GREB1: variants seen among roughly 807,000 people sequenced by gnomAD.
GREB1 encodes the protein growth regulating estrogen receptor binding 1.
GREB1 carries 106 observed loss-of-function variants against 200.7 expected under a neutral mutation model. The observed-to-expected ratio is 0.53, with a 90% CI of 0.45 to 0.62. GREB1 has a LOEUF of 0.62. Ranked by LOEUF, GREB1 falls within the 20% of genes least tolerant of loss-of-function variation. GREB1 has a pLI of 0.00. For missense variants in GREB1, 2,243 were observed against 2,556.8 expected, an observed-to-expected ratio of 0.88 and a Z score of 2.65; for synonymous variants, 1,132 against 1,092.4, an observed-to-expected ratio of 1.04 and a Z score of -0.72.
chr2:11,510,954 T>C (rs1673333058), intron 1 of GREB1, among the ~76,000 whole-genome samples: 1 of 152,198 alleles, frequency 6.6e-6, no homozygotes, highest in Non-Finnish European at 1.5e-5. Context: ...ATTACAGGCA[T>C]GAGCCACCAT....
At chr2:11,544,040 A>T (rs141667613) in intron 1 of GREB1, among the ~76,000 whole-genome samples, 1 of 152,126 alleles carries the variant, frequency 6.6e-6, no homozygotes, top group Non-Finnish European at 1.5e-5. Context: ...GTTCCAGCCC[A>T]TTCTGGGACT....
intron 7 of GREB1, among the ~76,000 whole-genome samples, chr2:11,583,581 C>T (rs1484180880): frequency 1.3e-5 from 2 of 151,988 alleles, no homozygotes; most frequent in African/African-American, 4.8e-5. Flanking sequence ...CCAGGCTGGT[C>T]GGGTGCATTG....
chr2:11,589,899 T>C (rs1283940152), intron 10 of GREB1, among the ~76,000 whole-genome samples: 1 of 152,166 alleles, frequency 6.6e-6, no homozygotes, highest in Admixed American at 6.5e-5. Flanking sequence ...TTGTACAAGA[T>C]GCCCACGAGA....
chr2:11,618,633 G>A lies in GREB1; in HGVS notation c.3758G>A (p.Cys1253Tyr), dbSNP rs1276282716. ...QASQCSLTKA[C>Y]RQPPIVFLPK... ...TCCCAGTGCTCCTTGACCAAGGCCT[G>A]CCGCCAGCCACCCATTGTCTTCTTG... The change falls in exon 22 of 33, where the codon TGC becomes TAC. Residue 1253 changes from cysteine to tyrosine, a missense_variant. Physicochemically the swap from Cys to Tyr is radical, Grantham distance 194. This residue lies in a region of GREB1 where 587 missense variants were observed against 553.1 expected (regional missense o/e 1.06). Transcript: ENST00000381486. The A allele has an allele frequency of 6.2e-7, 1 of 1,613,342 alleles. No homozygotes were observed. The highest frequency in any genetic ancestry group is 8.5e-7 in the Non-Finnish European group (1 of 1,179,950).
intron 32 of GREB1, among the ~76,000 whole-genome samples, chr2:11,639,978 G>A (rs1471143781): frequency 1.3e-5 from 2 of 152,108 alleles, no homozygotes; most frequent in Admixed American, 6.6e-5. Flanking sequence ...GTGAGCTACC[G>A]GCTGGGGCTG....
intron 1 of GREB1, among the ~76,000 whole-genome samples, chr2:11,518,019 T>G (rs1673569406): frequency 1.3e-5 from 2 of 152,204 alleles, no homozygotes; most frequent in African/African-American, 4.8e-5. Context: ...GTTTTTTGTT[T>G]CCCCTTGACT....
intron 32 of GREB1, among the ~76,000 whole-genome samples, chr2:11,639,634 T>C (rs1685663473): frequency 6.6e-6 from 1 of 152,248 alleles, no homozygotes; most frequent in African/African-American, 2.4e-5. Context: ...TGACCTTCGC[T>C]TTCCTTGGTG....
intron 17 of GREB1, among the ~76,000 whole-genome samples, chr2:11,603,173 G>T (rs774938636): frequency 3.9e-5 from 6 of 152,218 alleles, no homozygotes; most frequent in Non-Finnish European, 7.3e-5. Flanking sequence ...AGATGAAATT[G>T]AGGCTCAGAC....
chr2:11,515,696 C>T (rs554422513), intron 1 of GREB1, among the ~76,000 whole-genome samples: 2 of 152,342 alleles, frequency 1.3e-5, no homozygotes, highest in Admixed American at 1.3e-4. Context: ...AAGGGCAGAG[C>T]AGATGTTCTC....
rs58651473 is a variant in GREB1 at position 11,492,931 on chromosome 2, C to T, written c.-159+10550C>T. Reference sequence around the variant, plus strand: ...GAGACCAGACAGGAGTAATGCAAACCAGCAAGACTAGGCTTAAACAATGGG... The same window carrying T: ...GAGACCAGACAGGAGTAATGCAAACTAGCAAGACTAGGCTTAAACAATGGG... On this transcript the variant is annotated intron_variant, in intron 1 of 2. Coordinates refer to the GREB1 transcript ENST00000628795. The surrounding 1 kb of genome is among the most constrained non-coding windows in gnomAD (Gnocchi z 4.0). 0.034 allele frequency among the ~76,000 whole-genome samples: 5,194 copies of T among 152,294 alleles called. 300 individuals are homozygous for T. The highest frequency in any genetic ancestry group is 0.11 in the African/African-American group (4,685 of 41,530).
At chr2:11,613,536 C>T (rs1683121692) in intron 19 of GREB1, among the ~76,000 whole-genome samples, 1 of 152,230 alleles carries the variant, frequency 6.6e-6, no homozygotes, top group African/African-American at 2.4e-5. Context: ...GTGGGCCTGG[C>T]TTCTTCCCCC....
At chr2:11,581,575 A>G (rs1228577060) in intron 7 of GREB1, among the ~76,000 whole-genome samples, 1 of 152,116 alleles carries the variant, frequency 6.6e-6, no homozygotes, top group Non-Finnish European at 1.5e-5. Context: ...GGTTTGAGGG[A>G]GCTGTGAACG....
rs763971112 is a variant in GREB1, at chr2:11,578,282, A to C, written c.638-15A>C. On this transcript the variant is annotated splice_polypyrimidine_tract_variant and intron_variant, in intron 5 of 32. Transcript: ENST00000381486. ...AGAGCGAGTTGGTTTTCACGTGTGCACCTTGCCCCCTTAGAGTTTAGAAGC... is the reference window on the plus strand; with the variant it reads ...AGAGCGAGTTGGTTTTCACGTGTGCCCCTTGCCCCCTTAGAGTTTAGAAGC... 4.4e-6 allele frequency: 7 copies of C among 1,607,204 alleles called. No homozygotes were observed. The highest frequency in any genetic ancestry group is 8.5e-7 in the Non-Finnish European group (1 of 1,174,752).
At chr2:11,510,965 G>A (rs1049928339) in intron 1 of GREB1, among the ~76,000 whole-genome samples, 2 of 152,150 alleles carry the variant, frequency 1.3e-5, no homozygotes, top group African/African-American at 2.4e-5. Flanking sequence ...GAGCCACCAT[G>A]CCTGGCCAAT....
At position 11,552,958 on chromosome 2, in the gene GREB1, C is replaced by T. The variant is rs180996880; in HGVS notation, c.-161-3496C>T. Among the ~76,000 whole-genome samples the T allele has an allele frequency of 4.2e-5, 6 of 142,350 alleles. No homozygotes were observed. The East Asian group carries it at 1.2e-3, about 30-fold the overall frequency. The allele number at this position is 142,350 out of a possible 152,430, so 93.4% of individuals were successfully genotyped here. A position where few individuals can be genotyped will look rare whatever the true frequency, so the allele number is the denominator to read the frequency against. On this transcript the variant is annotated intron_variant, in intron 1 of 32. Coordinates refer to ENST00000381486, the MANE Select transcript of GREB1 (RefSeq NM_014668.4). ...CCGGGAGGCGGAGCTTGCAGTGAGT[C>T]GAGATCGCGCCACTGCACTCCAGCC...
At position 11,597,541 on chromosome 2, in the gene GREB1, T is replaced by C. The variant is rs774601305; in HGVS notation, c.1955-240T>C. 6.6e-6 allele frequency among the ~76,000 whole-genome samples: 1 copy of C among 152,140 alleles called. No individual in the cohort carries two copies. The highest frequency in any genetic ancestry group is 1.5e-5 in the Non-Finnish European group (1 of 68,010). ...CACTGCCTCCACTGTGCTCCCCAAG[T>C]GCTTGGTTCTTATTTTTATTATTAA... On this transcript the variant is annotated intron_variant, in intron 13 of 32. Coordinates refer to ENST00000381486, the MANE Select transcript of GREB1 (RefSeq NM_014668.4). The surrounding 1 kb of genome is among the most constrained non-coding windows in gnomAD (Gnocchi z 4.1).
At chr2:11,504,526 G>A (rs796713433) in intron 1 of GREB1, among the ~76,000 whole-genome samples, 8 of 152,232 alleles carry the variant, frequency 5.3e-5, no homozygotes, top group African/African-American at 1.9e-4. Context: ...CTGCATCTAT[G>A]AGCGAGTAGT....
rs142161972 is a variant in GREB1 at position 11,609,242 on chromosome 2, T to TTTTTTTTATTTA, written c.2667-1443_2667-1442insTTTTATTTATTT. Among the ~76,000 whole-genome samples the TTTTTTTTATTTA allele has an allele frequency of 6.7e-3, 919 of 136,916 alleles. 17 individuals carry two copies. Among genetic ancestry groups the TTTTTTTTATTTA allele is most frequent in the East Asian group, 0.04 (189 of 4,700 alleles). 89.8% of individuals were successfully genotyped at this position (136,916 alleles called of 152,430 possible). A position where few individuals can be genotyped will look rare whatever the true frequency, so the allele number is the denominator to read the frequency against. On this transcript the variant is annotated intron_variant, in intron 17 of 32. Coordinates refer to ENST00000381486, the MANE Select transcript of GREB1 (RefSeq NM_014668.4). ...CTTTCTTTCTTCCTGGGCATTATTA[T>TTTTTTTTATTTA]TTTATTTATTTATTTATTTATTTAT... is the stretch of plus-strand genomic sequence containing the variant.
intron 30 of GREB1, 108 bp downstream of exon 30, chr2:11,635,513 A>G (rs1685241838): frequency 1.5e-6 from 2 of 1,310,794 alleles, no homozygotes; most frequent in Non-Finnish European, 2.1e-6. Flanking sequence ...TTTCAAGCGC[A>G]TGGGGCAGGG....
Sources: allele counts gnomAD v4.1 joint callset (sites outside exome capture counted in the v4.1 genomes callset), GRCh38; gene constraint gnomAD v4.1.1; regional missense constraint gnomAD v4.1.1; non-coding constraint Gnocchi (gnomAD v3.1); transcripts MANE v1.5; gene names NCBI Gene and HGNC (gene_info 2026-07-23, HGNC 2026-07-21).